RARB: variants seen among roughly 807,000 people sequenced by gnomAD.
RARB encodes the protein retinoic acid receptor beta.
Under a neutral mutation model 51.9 loss-of-function variants are expected in RARB, and 17 were observed. The observed-to-expected ratio is 0.33, with a 90% CI of 0.22 to 0.49. The LOEUF (loss-of-function observed/expected upper bound fraction) is 0.49. Among genes scored for constraint, RARB ranks in the 20% least tolerant of loss-of-function variants. The probability of loss-of-function intolerance (pLI) is 0.99; values close to 1 mark genes in which losing one functional copy is unlikely to be tolerated. For missense variants in RARB, 369 were observed against 550.8 expected (o/e 0.67, Z 3.30); for synonymous variants, 215 against 195.4 (o/e 1.10, Z -0.84).
intron 1 of RARB, among the ~76,000 whole-genome samples, chr3:24,845,533 C>T (rs1182102510): frequency 6.6e-6 from 1 of 152,154 alleles, no homozygotes; most frequent in Non-Finnish European, 1.5e-5. Flanking sequence ...TTTCTCACAT[C>T]CCATTGTCTA....
intron 3 of RARB, among the ~76,000 whole-genome samples, chr3:25,558,842 G>A (rs114741969): frequency 5.9e-5 from 9 of 152,090 alleles, no homozygotes; most frequent in East Asian, 3.9e-4. Context: ...CCTCTAAGTC[G>A]TCTTCTTCAT....
At chr3:25,365,210 T>C (rs1335015141) in intron 5 of RARB, among the ~76,000 whole-genome samples, 1 of 137,324 alleles carries the variant, frequency 7.3e-6, no homozygotes, top group Admixed American at 7.3e-5. Context: ...TTTTTTTTTT[T>C]TTTTTTTTTT....
In RARB at chr3:24,881,827, T is replaced by C. The variant is rs536976211; in HGVS notation, c.-380+23075T>C. On this transcript the variant is annotated intron_variant, in intron 2 of 11. Transcript: ENST00000383772. ...GTGATGACTGCTGAAAATAATCAAA[T>C]TGATCATTTTTTGAACTGTTTGATT... is the stretch of plus-strand genomic sequence containing the variant. Among the ~76,000 whole-genome samples, 42 of 152,270 alleles carry C rather than the reference T, an allele frequency of 2.8e-4. No homozygotes were observed. The South Asian group carries it at 8.3e-3, about 30-fold the overall frequency.
intron 2 of RARB, among the ~76,000 whole-genome samples, chr3:24,915,779 T>C (rs956106347): frequency 3.9e-5 from 6 of 152,158 alleles, no homozygotes; most frequent in African/African-American, 1.2e-4. Flanking sequence ...AATGCTAATA[T>C]GTTGATCCTG....
At chr3:25,550,725 C>T (rs567614408) in intron 3 of RARB, among the ~76,000 whole-genome samples, 2 of 152,278 alleles carry the variant, frequency 1.3e-5, no homozygotes, top group Admixed American at 1.3e-4. Context: ...AGCTATTTAT[C>T]CCGATGTTCT....
At chr3:25,280,799 G>A (rs2125415731) in intron 5 of RARB, among the ~76,000 whole-genome samples, 1 of 151,778 alleles carries the variant, frequency 6.6e-6, no homozygotes, top group East Asian at 1.9e-4. Flanking sequence ...GCCATTTTTT[G>A]CTTCCTTGCT....
intron 1 of RARB, among the ~76,000 whole-genome samples, chr3:25,439,145 TAG>T (rs1232200841): frequency 6.6e-6 from 1 of 152,188 alleles, no homozygotes; most frequent in Non-Finnish European, 1.5e-5. Flanking sequence ...GTGTTTGTGC[TAG>T]AGAGTGTCTC....
intron 5 of RARB, among the ~76,000 whole-genome samples, chr3:25,196,439 A>C (rs1701238900): frequency 6.6e-6 from 1 of 152,138 alleles, no homozygotes; most frequent in Admixed American, 6.6e-5. Context: ...CACAGTGTAT[A>C]TGTGCCACAT....
At position 25,494,253 on chromosome 3, in the gene RARB, G is replaced by GCACGTGCGCGCACTCACACACACACACA. The variant is rs1553623182; in HGVS notation, c.307-6926_307-6925insGTGCGCGCACTCACACACACACACACAC. ...GCCCCCTTTTCCAGCTGTATCTTAC[G>GCACGTGCGCGCACTCACACACACACACA]CACACACACACACACACACACACAC... On this transcript the variant is annotated intron_variant, in intron 2 of 7. Coordinates refer to ENST00000330688, the MANE Select transcript of RARB (RefSeq NM_000965.5). 2.3e-5 allele frequency among the ~76,000 whole-genome samples: 3 copies of GCACGTGCGCGCACTCACACACACACACA among 131,852 alleles called. No individual in the cohort carries two copies. The South Asian group carries it at 6.8e-4, about 30-fold the overall frequency. The allele number at this position is 131,852 out of a possible 152,430, so 86.5% of individuals were successfully genotyped here.
At chr3:25,139,597 A>G (rs911376741) in intron 4 of RARB, among the ~76,000 whole-genome samples, 2 of 152,206 alleles carry the variant, frequency 1.3e-5, no homozygotes, top group African/African-American at 4.8e-5. Context: ...AGCCATCTCC[A>G]TAACATAAAA....
Position 25,338,596 on chromosome 3 carries a change from AG to A in RARB, c.179-122594del, listed in dbSNP as rs370559724. Among the ~76,000 whole-genome samples, 263 of 152,296 alleles carry A rather than the reference AG, an allele frequency of 1.7e-3. 1 individual carries two copies. The highest frequency in any genetic ancestry group is 5.8e-3 in the African/African-American group (242 of 41,572). ...TGCTAGGAACCTCCCTTTTAACCAT[AG>A]GGAAGTTCAAAAGAAAAGATTCAGC... On this transcript the variant is annotated intron_variant, in intron 5 of 11. Coordinates refer to the RARB transcript ENST00000383772.
intron 3 of RARB, among the ~76,000 whole-genome samples, chr3:25,544,848 G>C (rs1317397484): frequency 6.6e-6 from 1 of 152,208 alleles, no homozygotes; most frequent in Non-Finnish European, 1.5e-5. Flanking sequence ...TGCTATGACA[G>C]AATCTACAGT....
chr3:25,513,661 TAC>T (rs10525876), intron 3 of RARB, among the ~76,000 whole-genome samples: 53 of 144,820 alleles, frequency 3.7e-4, no homozygotes, highest in Non-Finnish European at 5.3e-4. Flanking sequence ...CTCTCAAAAC[TAC>T]ACACACACAC....
At chr3:24,938,221 T>C (rs1273206277) in intron 2 of RARB, among the ~76,000 whole-genome samples, 1 of 152,174 alleles carries the variant, frequency 6.6e-6, no homozygotes, top group East Asian at 1.9e-4. Flanking sequence ...TTGACACTTT[T>C]ATATGTCAAA....
intron 5 of RARB, among the ~76,000 whole-genome samples, chr3:25,245,115 C>A (rs1290621376): frequency 6.6e-6 from 1 of 152,110 alleles, no homozygotes; most frequent in Admixed American, 6.5e-5. Context: ...TTAAGAGAGA[C>A]TAAGATTGCA....
At chr3:24,924,173 A>G (rs1449384136) in intron 2 of RARB, among the ~76,000 whole-genome samples, 4 of 152,176 alleles carry the variant, frequency 2.6e-5, no homozygotes, top group Non-Finnish European at 1.5e-5. Flanking sequence ...CGGCTTCTTA[A>G]CAGGAATTCC....
intron 3 of RARB, among the ~76,000 whole-genome samples, chr3:25,526,393 C>G (rs939450929): frequency 6.6e-6 from 1 of 152,090 alleles, no homozygotes; most frequent in Non-Finnish European, 1.5e-5. Context: ...GTGACATGAT[C>G]ACATTTGCAG....
intron 5 of RARB, among the ~76,000 whole-genome samples, chr3:25,237,286 G>A (rs1393805177): frequency 1.3e-5 from 2 of 152,054 alleles, no homozygotes; most frequent in Non-Finnish European, 2.9e-5. Flanking sequence ...CAACCCCAAA[G>A]GGTGGCTTCC....
chr3:24,909,899 G>A, intron 2 of RARB, among the ~76,000 whole-genome samples: 1 of 152,088 alleles, frequency 6.6e-6, no homozygotes, highest in Non-Finnish European at 1.5e-5. Flanking sequence ...ATGTCTCTGT[G>A]TGTGTGTTTG....
Sources: gnomAD v4.1 joint callset for allele counts (sites outside exome capture counted in the v4.1 genomes callset) on GRCh38, gnomAD v4.1.1 for gene constraint, MANE v1.5 for transcripts, NCBI Gene and HGNC (gene_info 2026-07-23, HGNC 2026-07-21) for gene names.